RASSF8: variants seen among roughly 807,000 people sequenced by gnomAD.
RASSF8 encodes Ras association domain family member 8.
RASSF8 carries 22 observed loss-of-function variants against 48.5 expected under a neutral mutation model. The ratio of observed to expected loss-of-function variants is 0.45; its 90% CI spans 0.32 to 0.65. The LOEUF (loss-of-function observed/expected upper bound fraction) is 0.65. Among genes scored for constraint, RASSF8 ranks in the 30% least tolerant of loss-of-function variants. The probability of loss-of-function intolerance (pLI) is 0.03; values close to 1 mark genes in which losing one functional copy is unlikely to be tolerated. For synonymous variants in RASSF8, 127 were observed against 171.5 expected (o/e 0.74, Z 2.03); for missense variants, 418 against 489.2 (o/e 0.85, Z 1.37).
intron 1 of RASSF8, among the ~76,000 whole-genome samples, chr12:25,974,064 G>A (rs1466658135): frequency 6.6e-6 from 1 of 152,100 alleles, no homozygotes; most frequent in East Asian, 1.9e-4. Flanking sequence ...TGGGGCAAGT[G>A]TTGGCTAAGG....
chr12:26,035,453 TGA>T (rs372060246), intron 2 of RASSF8, among the ~76,000 whole-genome samples: 54 of 83,198 alleles, frequency 6.5e-4, no homozygotes, highest in Non-Finnish European at 9.2e-4. Context: ...TATAAGTATA[TGA>T]AATTATATAA....
chr12:26,076,538 A>G (rs12369247), downstream of RASSF8, among the ~76,000 whole-genome samples: 4,141 of 152,218 alleles, frequency 0.027, 85 homozygotes, highest in Non-Finnish European at 0.04. Flanking sequence ...TCCTTGTGAT[A>G]GTTTGCTCAG....
At chr12:25,962,957 C>G (rs1198896964) in intron 1 of RASSF8, among the ~76,000 whole-genome samples, 1 of 151,964 alleles carries the variant, frequency 6.6e-6, no homozygotes, top group Non-Finnish European at 1.5e-5. Context: ...GTACATAATC[C>G]TTTTTCTAAA....
intron 3 of RASSF8, among the ~76,000 whole-genome samples, chr12:26,057,104 G>GTGTGTGTGTGTGTA (rs1165629377): frequency 2.2e-4 from 28 of 128,594 alleles, no homozygotes; most frequent in Admixed American, 1.8e-3. Flanking sequence ...ACACTTTTGT[G>GTGTGTGTGTGTGTA]TGTGTGTGTG....
intron 2 of RASSF8, among the ~76,000 whole-genome samples, chr12:26,038,987 ATTC>A (rs1486625038): frequency 6.6e-6 from 1 of 152,184 alleles, no homozygotes; most frequent in African/African-American, 2.4e-5. Context: ...TTGCTTTTGA[ATTC>A]TTTTTTTAAA....
intron 3 of RASSF8, among the ~76,000 whole-genome samples, chr12:26,058,436 G>C (rs971332182): frequency 1.4e-4 from 21 of 152,214 alleles, no homozygotes; most frequent in Non-Finnish European, 2.6e-4. Flanking sequence ...ACCACAGGTG[G>C]CTGTCAAGAA....
Position 25,958,810 on chromosome 12 carries a change from C to T in RASSF8, c.-541C>T, listed in dbSNP as rs2136795004. ...TGCCGCCCAGCTCCTCGCCCAGCCTCGCCGAGCCTCGCCCTTCCCGCCCGC... is the reference window on the plus strand; with the variant it reads ...TGCCGCCCAGCTCCTCGCCCAGCCTTGCCGAGCCTCGCCCTTCCCGCCCGC... On this transcript the variant is annotated 5_prime_UTR_variant, in exon 1 of 6. Transcript: ENST00000689635. The T allele has an allele frequency of 6.8e-6, 1 of 147,396 alleles. No individual in the cohort carries two copies. Among genetic ancestry groups the T allele is most frequent in the Admixed American group, 6.7e-5 (1 of 14,828 alleles). The allele number at this position is 147,396 out of a possible 1,614,324, so 9.1% of individuals were successfully genotyped here.
At chr12:26,000,610 T>C (rs1258113189) in intron 2 of RASSF8, among the ~76,000 whole-genome samples, 21 of 152,008 alleles carry the variant, frequency 1.4e-4, no homozygotes, top group Non-Finnish European at 4.4e-5. Context: ...AATTATAGAG[T>C]GTACTTCTAC....
chr12:25,966,770 A>G (rs1240825516), intron 1 of RASSF8, among the ~76,000 whole-genome samples: 1 of 152,186 alleles, frequency 6.6e-6, no homozygotes, highest in African/African-American at 2.4e-5. Flanking sequence ...TGAAAAGCAG[A>G]AGGTTTTAAT....
At chr12:26,007,518 A>G (rs1009183900) in intron 2 of RASSF8, among the ~76,000 whole-genome samples, 1 of 152,200 alleles carries the variant, frequency 6.6e-6, no homozygotes, top group African/African-American at 2.4e-5. Context: ...GGAGCACAGA[A>G]GGAGCTCCTT....
At chr12:25,967,906 G>C (rs1351479576) in intron 1 of RASSF8, among the ~76,000 whole-genome samples, 1 of 152,176 alleles carries the variant, frequency 6.6e-6, no homozygotes, top group African/African-American at 2.4e-5. Context: ...TGCAAGGATG[G>C]GAGAAGAGCT....
At chr12:26,062,412 T>C (rs542454032) in intron 3 of RASSF8, among the ~76,000 whole-genome samples, 23 of 152,246 alleles carry the variant, frequency 1.5e-4, no homozygotes, top group Non-Finnish European at 2.9e-4. Flanking sequence ...GTAACTAATA[T>C]TATCTAGCAC....
chr12:25,969,246 G>A (rs1941429297), intron 1 of RASSF8, among the ~76,000 whole-genome samples: 1 of 152,202 alleles, frequency 6.6e-6, no homozygotes, highest in Admixed American at 6.5e-5. Flanking sequence ...CAGGAGCACA[G>A]ACTCCGGAGC....
At chr12:25,980,323 A>G (rs560821056) in intron 1 of RASSF8, among the ~76,000 whole-genome samples, 17 of 152,334 alleles carry the variant, frequency 1.1e-4, no homozygotes, top group South Asian at 1.0e-3. Flanking sequence ...CTATTCTAAG[A>G]TAAATGCCAT....
intron 1 of RASSF8, among the ~76,000 whole-genome samples, chr12:25,979,349 C>G (rs1452568163): frequency 1.3e-5 from 2 of 152,036 alleles, no homozygotes; most frequent in South Asian, 2.1e-4. Context: ...GCCTCAAGAA[C>G]AAAGAGTTGG....
In RASSF8 at chr12:26,070,212, T is replaced by C; in HGVS notation, c.*1394T>C. 1.0e-6 allele frequency: 1 copy of C among 967,702 alleles called. No homozygotes were observed. The highest frequency in any genetic ancestry group is 1.2e-6 in the Non-Finnish European group (1 of 813,832). 59.9% of individuals were successfully genotyped at this position (967,702 alleles called of 1,614,324 possible). A position where few individuals can be genotyped will look rare whatever the true frequency, so the allele number is the denominator to read the frequency against. Reference sequence around the variant, plus strand: ...TTATTTACATGCAACAAAATAAAAGTGGATTAATATAGTAATGCCATGGTA... The same window carrying C: ...TTATTTACATGCAACAAAATAAAAGCGGATTAATATAGTAATGCCATGGTA... On this transcript the variant is annotated 3_prime_UTR_variant, in exon 6 of 6. Coordinates refer to ENST00000689635, the MANE Select transcript of RASSF8 (RefSeq NM_001394098.1).
At position 25,959,077 on chromosome 12, in the gene RASSF8, T is replaced by C. The variant is rs1426286341; in HGVS notation, c.-274T>C. 2 of 147,438 alleles carry C rather than the reference T, an allele frequency of 1.4e-5. No homozygotes were observed. Among genetic ancestry groups the C allele is most frequent in the African/African-American group, 2.5e-5 (1 of 40,706 alleles). The allele number at this position is 147,438 out of a possible 1,614,324, so 9.1% of individuals were successfully genotyped here. A position where few individuals can be genotyped will look rare whatever the true frequency, so the allele number is the denominator to read the frequency against. On this transcript the variant is annotated 5_prime_UTR_variant, in exon 1 of 6. Coordinates refer to ENST00000689635, the MANE Select transcript of RASSF8 (RefSeq NM_001394098.1). ...CGCTGGGCGGCCGCGGAGCTCCGGGTGCCGCCGCGTCCCCAGCGCCCCGGC... is the reference window on the plus strand; with the variant it reads ...CGCTGGGCGGCCGCGGAGCTCCGGGCGCCGCCGCGTCCCCAGCGCCCCGGC...
chr12:25,988,742 T>G (rs1490859859), intron 1 of RASSF8, among the ~76,000 whole-genome samples: 1 of 152,164 alleles, frequency 6.6e-6, no homozygotes, highest in East Asian at 1.9e-4. Flanking sequence ...TTATTGAGTT[T>G]GCCAGATCCT....
chr12:25,991,595 C>A (rs1008353377), intron 1 of RASSF8, among the ~76,000 whole-genome samples: 2 of 152,166 alleles, frequency 1.3e-5, no homozygotes, highest in African/African-American at 4.8e-5. Flanking sequence ...AGGTGGTTCA[C>A]TCACATGCCT....
Sources: gnomAD v4.1 joint callset for allele counts (sites outside exome capture counted in the v4.1 genomes callset) on GRCh38, gnomAD v4.1.1 for gene constraint, MANE v1.5 for transcripts, NCBI Gene and HGNC (gene_info 2026-07-23, HGNC 2026-07-21) for gene names.